The following VEPH1 variants were observed in gnomAD, a reference collection of about 807,000 sequenced individuals.
VEPH1 encodes the protein ventricular zone-expressed PH domain-containing protein homolog 1.
A neutral mutation model predicts 85.2 loss-of-function variants in VEPH1; 80 were observed. The observed-to-expected ratio is 0.94, with a 90% confidence interval of 0.78 to 1.13. The LOEUF (loss-of-function observed/expected upper bound fraction) is 1.13, where lower values mean the gene tolerates loss of function less well. Ranked by LOEUF, VEPH1 falls within the 50% of genes most tolerant of loss-of-function variation. VEPH1 has a pLI of 0.00. For synonymous variants in VEPH1, 297 were observed against 348.0 expected, an observed-to-expected ratio of 0.85 and a Z score of 1.63; for missense variants, 955 against 980.5, an observed-to-expected ratio of 0.97 and a Z score of 0.35.
intron 12 of VEPH1, among the ~76,000 whole-genome samples, chr3:157,283,407 T>C (rs769123244): frequency 7.2e-5 from 11 of 152,198 alleles, no homozygotes; most frequent in African/African-American, 9.7e-5. Context: ...ATTATTAGAG[T>C]GATAAATGCT....
chr3:157,371,802 G>A (rs558525934), intron 7 of VEPH1, among the ~76,000 whole-genome samples: 2 of 152,140 alleles, frequency 1.3e-5, no homozygotes, highest in African/African-American at 2.4e-5. Context: ...GATACATTCC[G>A]AGGTAAAGGT....
chr3:157,348,237 TATA>T (rs1471749391), intron 9 of VEPH1, among the ~76,000 whole-genome samples: 1 of 152,150 alleles, frequency 6.6e-6, no homozygotes, highest in Non-Finnish European at 1.5e-5. Context: ...GGCTCTTCAA[TATA>T]ATAATTTCCT....
At chr3:157,425,019 AG>A (rs1214219649) in intron 5 of VEPH1, among the ~76,000 whole-genome samples, 1 of 152,210 alleles carries the variant, frequency 6.6e-6, no homozygotes, top group African/African-American at 2.4e-5. Context: ...AGATCTAGGA[AG>A]AAAAAATGGT....
chr3:157,442,356 G>A (rs1402886418), intron 4 of VEPH1: 7 of 1,556,284 alleles, frequency 4.5e-6, no homozygotes, highest in Non-Finnish European at 6.1e-6. Flanking sequence ...TTATTTTCTT[G>A]CTACTCTAGG....
intron 9 of VEPH1, among the ~76,000 whole-genome samples, chr3:157,335,018 C>G (rs1208044880): frequency 6.6e-6 from 1 of 152,174 alleles, no homozygotes; most frequent in African/African-American, 2.4e-5. Flanking sequence ...ACACTACAGA[C>G]TTGTCACCAG....
upstream of VEPH1, chr3:157,503,576 AT>A (rs1245222030): frequency 6.6e-6 from 1 of 152,228 alleles, no homozygotes; most frequent in Non-Finnish European, 1.5e-5. Context: ...AGATTTACAG[AT>A]TTCTCTGAGC....
At chr3:157,344,823 C>CA (rs1724016884) in intron 9 of VEPH1, among the ~76,000 whole-genome samples, 1 of 152,194 alleles carries the variant, frequency 6.6e-6, no homozygotes, top group Admixed American at 6.5e-5. Context: ...GGTACCAAAA[C>CA]AGAGATATCG....
At chr3:157,381,016 T>A in intron 7 of VEPH1, 140 bp downstream of exon 7, 1 of 791,664 alleles carries the variant, frequency 1.3e-6, no homozygotes, top group Non-Finnish European at 2.0e-6. Context: ...TTCTGGCAAG[T>A]GCCATAATTT....
At chr3:157,355,960 T>C (rs776914943) in intron 9 of VEPH1, among the ~76,000 whole-genome samples, 10 of 151,210 alleles carry the variant, frequency 6.6e-5, no homozygotes, top group Non-Finnish European at 1.3e-4. Flanking sequence ...AGGGCAGTGG[T>C]GCAGTCACCG....
chr3:157,307,104 A>G (rs529756976), intron 11 of VEPH1, among the ~76,000 whole-genome samples: 5 of 152,138 alleles, frequency 3.3e-5, no homozygotes, highest in African/African-American at 4.8e-5. Context: ...AAGCATTTTT[A>G]TGATCAGCTT....
chr3:157,438,648 T>G (rs1733871605), intron 4 of VEPH1, among the ~76,000 whole-genome samples: 1 of 152,012 alleles, frequency 6.6e-6, no homozygotes, highest in Non-Finnish European at 1.5e-5. Context: ...TTCAGAGAAT[T>G]GGGGCCAAGC....
intron 12 of VEPH1, among the ~76,000 whole-genome samples, chr3:157,272,379 C>CTTTCTTTCTTTCTTTCTTTCT (rs1714767916): frequency 1.5e-4 from 7 of 47,246 alleles, no homozygotes; most frequent in African/African-American, 2.8e-4. Context: ...TCTTTCTTTT[C>CTTTCTTTCTTTCTTTCTTTCT]TTTCTTTCTT....
intron 2 of VEPH1, among the ~76,000 whole-genome samples, chr3:157,494,895 C>A (rs1396869134): frequency 6.6e-6 from 1 of 152,126 alleles, no homozygotes; most frequent in Admixed American, 6.5e-5. Context: ...TTGGCTCCCT[C>A]TCCTCTCAGT....
intron 6 of VEPH1, among the ~76,000 whole-genome samples, chr3:157,382,654 GACTA>G (rs778631176): frequency 2.0e-5 from 3 of 151,974 alleles, no homozygotes; most frequent in Non-Finnish European, 2.9e-5. Flanking sequence ...CAATCCTTCT[GACTA>G]ACTGGTGCAC....
At chr3:157,274,904 A>C (rs1169600898) in intron 12 of VEPH1, among the ~76,000 whole-genome samples, 3 of 152,222 alleles carry the variant, frequency 2.0e-5, no homozygotes, top group African/African-American at 4.8e-5. Flanking sequence ...ACAAGACAGT[A>C]AATCAATCTA....
chr3:157,313,470 GT>G, intron 11 of VEPH1, 150 bp downstream of exon 11: 1 of 983,984 alleles, frequency 1.0e-6, no homozygotes, highest in East Asian at 2.7e-5. Context: ...ACTATACCAC[GT>G]GAAAATAATT....
At chr3:157,310,946 G>A (rs1720039973) in intron 11 of VEPH1, among the ~76,000 whole-genome samples, 1 of 152,158 alleles carries the variant, frequency 6.6e-6, no homozygotes, top group Admixed American at 6.5e-5. Context: ...TGACAACCCT[G>A]ATATCGCAAG....
intron 2 of VEPH1, among the ~76,000 whole-genome samples, chr3:157,492,113 C>A (rs1450299875): frequency 6.6e-6 from 1 of 152,106 alleles, no homozygotes; most frequent in African/African-American, 2.4e-5. Flanking sequence ...TTAGCCAGTA[C>A]AGGCCTAAAC....
chr3:157,324,810 A>C (rs1189983470), intron 9 of VEPH1, among the ~76,000 whole-genome samples: 1 of 152,068 alleles, frequency 6.6e-6, no homozygotes, highest in Non-Finnish European at 1.5e-5. Context: ...ACGTGCATGT[A>C]TATTTTTAAT....
Sources: allele counts gnomAD v4.1 joint callset (sites outside exome capture counted in the v4.1 genomes callset), GRCh38; gene constraint gnomAD v4.1.1; transcripts MANE v1.5; gene names NCBI Gene and HGNC (gene_info 2026-07-23, HGNC 2026-07-21).